Variants in PTPRJ observed in about 807,000 individuals in gnomAD.
PTPRJ encodes receptor-type tyrosine-protein phosphatase eta.
PTPRJ carries 129 observed loss-of-function variants against 141.3 expected under a neutral mutation model. The ratio of observed to expected loss-of-function variants is 0.91; its 90% CI spans 0.79 to 1.06. PTPRJ has a LOEUF of 1.06. Ranked by LOEUF, PTPRJ falls within the 50% of genes least tolerant of loss-of-function variation. PTPRJ has a pLI of 0.00. For missense variants in PTPRJ, 1,601 were observed against 1,679.7 expected (o/e 0.95, Z 0.82); for synonymous variants, 610 against 640.5 (o/e 0.95, Z 0.72).
chr11:48,046,590 A>T (rs1042577333), intron 1 of PTPRJ, among the ~76,000 whole-genome samples: 15 of 152,014 alleles, frequency 9.9e-5, no homozygotes, highest in African/African-American at 3.6e-4. Context: ...AAGATCCCTT[A>T]TTATGGTTTC....
intron 1 of PTPRJ, among the ~76,000 whole-genome samples, chr11:47,981,259 G>A (rs993021904): frequency 5.3e-5 from 8 of 152,180 alleles, no homozygotes; most frequent in Admixed American, 3.9e-4. Flanking sequence ...GCCTCCCGGG[G>A]AAAGCCTCCG....
intron 22 of PTPRJ, 116 bp downstream of exon 22, chr11:48,160,165 T>C: frequency 7.0e-7 from 1 of 1,423,898 alleles, no homozygotes; most frequent in Non-Finnish European, 9.6e-7. Flanking sequence ...AGAAATGTTT[T>C]GCTGCTTTCC....
At chr11:48,034,302 T>A (rs923003087) in intron 1 of PTPRJ, among the ~76,000 whole-genome samples, 4 of 152,300 alleles carry the variant, frequency 2.6e-5, no homozygotes, top group Non-Finnish European at 1.5e-5. Context: ...GCCTTTTTTT[T>A]TCTTTTATTT....
At chr11:48,117,017 A>G (rs1856582329) in intron 3 of PTPRJ, among the ~76,000 whole-genome samples, 1 of 152,236 alleles carries the variant, frequency 6.6e-6, no homozygotes, top group Middle Eastern at 3.2e-3. Context: ...GGTCACTTAC[A>G]GCAGGTCCCC....
chr11:48,153,699 T>TG, intron 18 of PTPRJ, 97 bp from the exon 19 acceptor site: 1 of 757,588 alleles, frequency 1.3e-6, no homozygotes, highest in Non-Finnish European at 2.3e-6. Flanking sequence ...AACTTGTCTA[T>TG]GGGACTGTTG....
chr11:48,061,698 C>CT (rs1354451044), intron 1 of PTPRJ, among the ~76,000 whole-genome samples: 1 of 152,136 alleles, frequency 6.6e-6, no homozygotes, highest in Non-Finnish European at 1.5e-5. Context: ...CCAGAGGGGC[C>CT]TTGAGAGGCT....
chr11:48,055,909 A>G (rs2134253693), intron 1 of PTPRJ, among the ~76,000 whole-genome samples: 1 of 152,270 alleles, frequency 6.6e-6, no homozygotes, highest in Admixed American at 6.5e-5. Flanking sequence ...GCTTTGGGAG[A>G]ATGTTTTTTC....
intron 11 of PTPRJ, among the ~76,000 whole-genome samples, chr11:48,142,547 A>T (rs1220029555): frequency 6.6e-6 from 1 of 152,002 alleles, no homozygotes; most frequent in Non-Finnish European, 1.5e-5. Flanking sequence ...TTTTCACTCT[A>T]CAAGTCTTTC....
chr11:48,033,822 G>C (rs562336627), intron 1 of PTPRJ, among the ~76,000 whole-genome samples: 118 of 152,328 alleles, frequency 7.7e-4, no homozygotes, highest in African/African-American at 2.4e-3. Context: ...GTGATCCAAG[G>C]CGGGAACTAG....
At chr11:48,135,899 C>G (rs1857090150) in intron 8 of PTPRJ, 140 bp from the exon 9 acceptor site, 1 of 945,102 alleles carries the variant, frequency 1.1e-6, no homozygotes, top group East Asian at 2.4e-5. Context: ...CATTTCTCAG[C>G]TCGATTTTGG....
chr11:48,139,427 T>G (rs1857180459), intron 10 of PTPRJ, 59 bp from the exon 11 acceptor site: 3 of 1,571,156 alleles, frequency 1.9e-6, no homozygotes, highest in Non-Finnish European at 2.6e-6. Context: ...ACTCCCTATT[T>G]CCATGTTTGC....
At chr11:48,096,100 A>G (rs899788727) in intron 1 of PTPRJ, among the ~76,000 whole-genome samples, 1 of 152,174 alleles carries the variant, frequency 6.6e-6, no homozygotes, top group African/African-American at 2.4e-5. Flanking sequence ...TACTCAGTTG[A>G]TCACAGTTCA....
At chr11:48,008,402 G>A (rs1461984416) in intron 1 of PTPRJ, among the ~76,000 whole-genome samples, 3 of 151,668 alleles carry the variant, frequency 2.0e-5, no homozygotes, top group African/African-American at 7.3e-5. Flanking sequence ...AGGGATTACA[G>A]GCATGTGCCA....
At chr11:48,166,804 CT>C (rs541964650) in intron 24 of PTPRJ, among the ~76,000 whole-genome samples, 117 of 152,320 alleles carry the variant, frequency 7.7e-4, no homozygotes, top group African/African-American at 2.6e-3. Context: ...AACCTCGCTC[CT>C]CGGTTGAGCA....
chr11:48,060,096 G>C (rs982630300), intron 1 of PTPRJ, among the ~76,000 whole-genome samples: 3 of 152,108 alleles, frequency 2.0e-5, no homozygotes, highest in Admixed American at 2.0e-4. Context: ...TTGCTGTTCG[G>C]ATTAACTGTA....
At chr11:48,145,260 G>A in intron 14 of PTPRJ, 136 bp downstream of exon 14, 2 of 1,256,798 alleles carry the variant, frequency 1.6e-6, no homozygotes, top group Non-Finnish European at 2.2e-6. Context: ...CCCAGAGGTT[G>A]AGATGTCACT....
chr11:48,103,807 C>T (rs1230116843), intron 1 of PTPRJ, among the ~76,000 whole-genome samples: 1 of 152,162 alleles, frequency 6.6e-6, no homozygotes, highest in African/African-American at 2.4e-5. Context: ...CCAAGTTCAC[C>T]CTCGGCTGTG....
Position 47,980,883 on chromosome 11 carries a change from G to T in PTPRJ, c.-30G>T. On this transcript the variant is annotated 5_prime_UTR_variant, in exon 1 of 25. Coordinates refer to ENST00000418331, the MANE Select transcript of PTPRJ (RefSeq NM_002843.4). ...GCGCACGGCGGGGCCCGATTCGCGCGTCCGGGGCACGTTCCAGGGCGCGCG... is the reference window on the plus strand; with the variant it reads ...GCGCACGGCGGGGCCCGATTCGCGCTTCCGGGGCACGTTCCAGGGCGCGCG... 1 of 1,121,266 alleles carries T rather than the reference G, an allele frequency of 8.9e-7. No individual in the cohort carries two copies. The highest frequency in any genetic ancestry group is 1.1e-6 in the Non-Finnish European group (1 of 918,498). The allele number at this position is 1,121,266 out of a possible 1,614,324, so 69.5% of individuals were successfully genotyped here. A position where few individuals can be genotyped will look rare whatever the true frequency, so the allele number is the denominator to read the frequency against.
chr11:48,081,650 G>A (rs1286201539), intron 1 of PTPRJ, among the ~76,000 whole-genome samples: 3 of 152,096 alleles, frequency 2.0e-5, no homozygotes. Context: ...CTGCGGCCAG[G>A]GCTGTGTAGG....
Sources: gnomAD v4.1 joint callset for allele counts (sites outside exome capture counted in the v4.1 genomes callset) on GRCh38, gnomAD v4.1.1 for gene constraint, MANE v1.5 for transcripts, NCBI Gene and HGNC (gene_info 2026-07-23, HGNC 2026-07-21) for gene names.